Variants in PEBP4 observed in about 807,000 individuals in gnomAD.
The protein encoded by PEBP4 is phosphatidylethanolamine-binding protein 4.
A neutral mutation model predicts 23.9 loss-of-function variants in PEBP4; 22 were observed. The observed-to-expected ratio is 0.92, with a 90% confidence interval of 0.66 to 1.31. PEBP4 has a LOEUF of 1.31. Among genes scored for constraint, PEBP4 ranks in the 40% most tolerant of loss-of-function variants. The probability of loss-of-function intolerance (pLI) is 0.00; values close to 1 mark genes in which losing one functional copy is unlikely to be tolerated. For missense variants in PEBP4, 324 were observed against 281.7 expected (o/e 1.15, Z -1.07); for synonymous variants, 112 against 99.3 (o/e 1.13, Z -0.76).
chr8:22,892,897 C>A (rs1355795985), intron 3 of PEBP4, among the ~76,000 whole-genome samples: 1 of 152,124 alleles, frequency 6.6e-6, no homozygotes, highest in Non-Finnish European at 1.5e-5. Flanking sequence ...AAGAGAGAAC[C>A]CAGGAAACCT....
intron 3 of PEBP4, among the ~76,000 whole-genome samples, chr8:22,903,098 G>A (rs766890918): frequency 2.6e-5 from 4 of 152,168 alleles, no homozygotes; most frequent in Non-Finnish European, 4.4e-5. Flanking sequence ...CGCTCTGATA[G>A]CCTTCTACTC....
chr8:22,804,462 T>G (rs1395600937), intron 4 of PEBP4, among the ~76,000 whole-genome samples: 1 of 152,026 alleles, frequency 6.6e-6, no homozygotes, highest in East Asian at 1.9e-4. Flanking sequence ...GATGCACATT[T>G]TTTCTTTCTT....
At position 22,731,633 on chromosome 8, in the gene PEBP4, TTATTTATTTATC is replaced by T. The variant is rs1400041281; in HGVS notation, c.358-4425_358-4414del. 7.3e-4 allele frequency among the ~76,000 whole-genome samples: 104 copies of T among 143,276 alleles called. 1 individual carries two copies. The highest frequency in any genetic ancestry group is 1.8e-3 in the African/African-American group (61 of 34,734). The allele number at this position is 143,276 out of a possible 152,430, so 94.0% of individuals were successfully genotyped here. On this transcript the variant is annotated intron_variant, in intron 4 of 6. Transcript: ENST00000256404. ...CTCATTGTTTTATTTATTTATTTAT[TTATTTATTTATC>T]TATCTATCTATTTATTTATTTATTT... is the stretch of plus-strand genomic sequence containing the variant.
At chr8:22,857,031 T>TA (rs1024044021) in intron 3 of PEBP4, among the ~76,000 whole-genome samples, 20 of 151,772 alleles carry the variant, frequency 1.3e-4, no homozygotes, top group Non-Finnish European at 1.8e-4. Flanking sequence ...ACTATGATGT[T>TA]AAAAAAAAGC....
At chr8:22,716,236 C>T (rs1016660950) in intron 6 of PEBP4, among the ~76,000 whole-genome samples, 8 of 152,180 alleles carry the variant, frequency 5.3e-5, no homozygotes, top group African/African-American at 1.9e-4. Context: ...CAGGTTGATC[C>T]CTGCACAACC....
At chr8:22,828,303 A>T (rs1266851516) in intron 3 of PEBP4, among the ~76,000 whole-genome samples, 1 of 152,156 alleles carries the variant, frequency 6.6e-6, no homozygotes, top group Non-Finnish European at 1.5e-5. Context: ...ATGGGGTTGT[A>T]CAAAGCCTTT....
At chr8:22,848,258 C>G (rs549718859) in intron 3 of PEBP4, among the ~76,000 whole-genome samples, 4 of 152,240 alleles carry the variant, frequency 2.6e-5, no homozygotes, top group South Asian at 4.2e-4. Flanking sequence ...CAGAGAGAGA[C>G]GAGAGGCTGT....
chr8:22,921,944 G>C (rs981089020), intron 2 of PEBP4, among the ~76,000 whole-genome samples: 2 of 152,352 alleles, frequency 1.3e-5, no homozygotes, highest in East Asian at 3.9e-4. Context: ...GAGAGGTAGG[G>C]AGGAGGTAAA....
chr8:22,870,866 G>C (rs1216125827), intron 3 of PEBP4, among the ~76,000 whole-genome samples: 1 of 152,178 alleles, frequency 6.6e-6, no homozygotes, highest in Non-Finnish European at 1.5e-5. Flanking sequence ...AAGCCCTTGG[G>C]ACCTCTGCCA....
chr8:22,888,011 T>A (rs543718934), intron 3 of PEBP4: 1 of 151,992 alleles, frequency 6.6e-6, no homozygotes, highest in African/African-American at 2.4e-5. Context: ...AGGGAGTGAG[T>A]GCTCTCATTT....
At chr8:22,795,324 T>C (rs986503382) in intron 4 of PEBP4, among the ~76,000 whole-genome samples, 5 of 151,026 alleles carry the variant, frequency 3.3e-5, no homozygotes, top group Non-Finnish European at 5.9e-5. Flanking sequence ...TACAGGCATG[T>C]GCCACCACTC....
chr8:22,847,891 T>C (rs1585304793), intron 3 of PEBP4, among the ~76,000 whole-genome samples: 1 of 152,224 alleles, frequency 6.6e-6, no homozygotes, highest in East Asian at 1.9e-4. Flanking sequence ...AGCCTGCCAC[T>C]CTCAGTGGGG....
intron 3 of PEBP4, chr8:22,895,496 T>G (rs1163347599): frequency 6.6e-6 from 1 of 152,234 alleles, no homozygotes; most frequent in Non-Finnish European, 1.5e-5. Context: ...TTTTAGCAGT[T>G]TGATCATGAC....
intron 4 of PEBP4, among the ~76,000 whole-genome samples, chr8:22,770,817 C>T (rs145541816): frequency 5.2e-4 from 79 of 152,272 alleles, no homozygotes; most frequent in African/African-American, 1.4e-3. Flanking sequence ...TCCACGCATC[C>T]GCTCAACATG....
chr8:22,812,558 T>A (rs1806654222), intron 4 of PEBP4, among the ~76,000 whole-genome samples: 1 of 152,176 alleles, frequency 6.6e-6, no homozygotes, highest in African/African-American at 2.4e-5. Flanking sequence ...AAATGGATCC[T>A]CACAGTACAG....
intron 4 of PEBP4, chr8:22,745,718 C>T (rs1805099423): frequency 6.6e-6 from 1 of 152,232 alleles, no homozygotes; most frequent in Non-Finnish European, 1.5e-5. Context: ...GGATCCCGTT[C>T]CTGTTCTCCA....
chr8:22,798,824 G>T (rs1272251910), intron 4 of PEBP4, among the ~76,000 whole-genome samples: 4 of 132,312 alleles, frequency 3.0e-5, no homozygotes, highest in Non-Finnish European at 6.1e-5. Flanking sequence ...TGCAACCTCT[G>T]CCTCCCAGGT....
intron 3 of PEBP4, among the ~76,000 whole-genome samples, chr8:22,917,921 C>G (rs1425122193): frequency 2.0e-5 from 3 of 152,162 alleles, no homozygotes; most frequent in Admixed American, 2.0e-4. Context: ...CAAATGAAAA[C>G]AGCACAGAAA....
intron 4 of PEBP4, among the ~76,000 whole-genome samples, chr8:22,781,253 GC>G: frequency 6.6e-6 from 1 of 152,110 alleles, no homozygotes; most frequent in Non-Finnish European, 1.5e-5. Context: ...CTTGGGGCCG[GC>G]CCCGCCTTGC....
Sources: gnomAD v4.1 joint callset for allele counts (sites outside exome capture counted in the v4.1 genomes callset) on GRCh38, gnomAD v4.1.1 for gene constraint, MANE v1.5 for transcripts, NCBI Gene and HGNC (gene_info 2026-07-23, HGNC 2026-07-21) for gene names.